Variants in LGMN observed in about 807,000 individuals in gnomAD.
LGMN encodes asparaginyl endopeptidase.
A neutral mutation model predicts 56.8 loss-of-function variants in LGMN; 36 were observed. That is an observed-to-expected ratio of 0.63 (90% CI 0.49 to 0.84). LGMN has a LOEUF of 0.84. Ranked by LOEUF, LGMN falls within the 40% of genes least tolerant of loss-of-function variation. The pLI, the probability that LGMN is intolerant of heterozygous loss-of-function variation, is 0.00. For synonymous variants in LGMN, 199 were observed against 210.1 expected (o/e 0.95, Z 0.46); for missense variants, 446 against 556.1 (o/e 0.80, Z 1.99).
chr14:92,710,151 C>T (rs1265951910), intron 10 of LGMN, among the ~76,000 whole-genome samples: 1 of 152,244 alleles, frequency 6.6e-6, no homozygotes, highest in Admixed American at 6.5e-5. Context: ...AAATGCCTGG[C>T]ATCCTTTGCA....
At chr14:92,710,745 C>G (rs908851486) in intron 10 of LGMN, among the ~76,000 whole-genome samples, 1 of 152,208 alleles carries the variant, frequency 6.6e-6, no homozygotes, top group Non-Finnish European at 1.5e-5. Context: ...GCGGGGCCCC[C>G]ACATGGCCAG....
intron 1 of LGMN, among the ~76,000 whole-genome samples, chr14:92,738,100 G>A (rs944388798): frequency 6.6e-6 from 1 of 152,082 alleles, no homozygotes; most frequent in Non-Finnish European, 1.5e-5. Flanking sequence ...GAAACAAACG[G>A]TTGACCTGAC....
At chr14:92,720,892 T>A (rs1890434089) in intron 2 of LGMN, among the ~76,000 whole-genome samples, 2 of 151,274 alleles carry the variant, frequency 1.3e-5, no homozygotes, top group African/African-American at 4.9e-5. Context: ...TTTTTTTGTT[T>A]TTGTTTTTGT....
chr14:92,719,254 A>G (rs866530759), intron 2 of LGMN, among the ~76,000 whole-genome samples: 14,025 of 30,136 alleles, frequency 0.47, 2,187 homozygotes, highest in East Asian at 0.59. Flanking sequence ...CGCCACCACC[A>G]CCACCGCCAC....
intron 10 of LGMN, among the ~76,000 whole-genome samples, 172 bp from the exon 11 acceptor site, chr14:92,710,044 G>T (rs1402542929): frequency 6.6e-6 from 1 of 152,078 alleles, no homozygotes; most frequent in African/African-American, 2.4e-5. Context: ...ATGCTTTCAG[G>T]ACCACAGGGC....
intron 2 of LGMN, among the ~76,000 whole-genome samples, chr14:92,729,826 G>A (rs948606189): frequency 2.6e-5 from 4 of 152,242 alleles, no homozygotes; most frequent in Non-Finnish European, 5.9e-5. Context: ...GGAGGGCTGA[G>A]GCAGGGGTGA....
In LGMN at chr14:92,706,639, A is replaced by G. The variant is rs763275897; in HGVS notation, c.1035T>C (p.Ile345=). Residue 345 remains isoleucine, a synonymous_variant, in exon 12 of 14, where the codon ATT becomes ATC. Coordinates refer to ENST00000334869, the MANE Select transcript of LGMN (RefSeq NM_005606.7). ...AGACGATCTTACGCACTGACTTCTC[A>G]ATGAGGTGCCTGGCCTGGGGAGAAA... ...IQRHLDARHL[I]EKSVRKIVSL... 2.9e-5 allele frequency: 46 copies of G among 1,584,906 alleles called. No homozygotes were observed. In the East Asian group the frequency reaches 1.0e-3, roughly 35 times the overall value.
intron 1 of LGMN, among the ~76,000 whole-genome samples, chr14:92,747,853 T>G (rs1381947118): frequency 6.6e-6 from 1 of 152,146 alleles, no homozygotes; most frequent in East Asian, 1.9e-4. Flanking sequence ...CCCCAGATAC[T>G]ATAATGCTTG....
Position 92,711,698 on chromosome 14 carries a change from C to T in LGMN, c.780G>A (p.Ser260=), listed in dbSNP as rs748050596. 14 of 1,614,192 alleles carry T rather than the reference C, an allele frequency of 8.7e-6. No homozygotes were observed. Among genetic ancestry groups the T allele is most frequent in the Middle Eastern group, 1.7e-4 (1 of 6,060 alleles). Reference sequence around the variant, plus strand: ...GCATGACGTGGCTGGTGTTGGTGTGCGATTTTACCAGGTGGTACTGCTTGT... The same window carrying T: ...GCATGACGTGGCTGGTGTTGGTGTGTGATTTTACCAGGTGGTACTGCTTGT... ...TLHKQYHLVK[S]HTNTSHVMQY... The change falls in exon 10 of 14, where the codon TCG becomes TCA. Residue 260 remains serine, a synonymous_variant. Coordinates refer to ENST00000334869, the MANE Select transcript of LGMN (RefSeq NM_005606.7).
intron 3 of LGMN, among the ~76,000 whole-genome samples, chr14:92,717,704 A>G (rs1338439002): frequency 6.6e-6 from 1 of 152,208 alleles, no homozygotes; most frequent in Non-Finnish European, 1.5e-5. Context: ...TCGGGCAGGG[A>G]CCAAAGCATA....
chr14:92,719,199 CA>C (rs1566923825), intron 2 of LGMN, among the ~76,000 whole-genome samples: 2 of 138,452 alleles, frequency 1.4e-5, no homozygotes, highest in African/African-American at 6.0e-5. Flanking sequence ...CCACCGCCAC[CA>C]ACACCACCAC....
intron 3 of LGMN, among the ~76,000 whole-genome samples, chr14:92,717,696 G>T (rs982873309): frequency 3.9e-5 from 6 of 152,152 alleles, no homozygotes; most frequent in African/African-American, 1.4e-4. Flanking sequence ...GAAAAGCCTC[G>T]GGCAGGGACC....
chr14:92,721,169 T>G (rs997657335), intron 2 of LGMN, among the ~76,000 whole-genome samples: 1 of 152,200 alleles, frequency 6.6e-6, no homozygotes, highest in Non-Finnish European at 1.5e-5. Context: ...GGATTACAGA[T>G]GCAAGCCACG....
At chr14:92,737,730 G>C (rs1206136791) in intron 1 of LGMN, among the ~76,000 whole-genome samples, 4 of 152,194 alleles carry the variant, frequency 2.6e-5, no homozygotes, top group African/African-American at 9.6e-5. Context: ...TTGGACTCTG[G>C]AAGTGATGAA....
chr14:92,723,018 A>G (rs902668657), intron 2 of LGMN, among the ~76,000 whole-genome samples: 3 of 152,102 alleles, frequency 2.0e-5, no homozygotes, highest in Non-Finnish European at 2.9e-5. Context: ...AGAGTCAAAC[A>G]TAAATTTACC....
In LGMN at chr14:92,714,481, T is replaced by G; in HGVS notation, c.405-30A>C. The G allele has an allele frequency of 6.8e-7, 1 of 1,474,996 alleles. No homozygotes were observed. The highest frequency in any genetic ancestry group is 9.4e-7 in the Non-Finnish European group (1 of 1,063,982). The allele number at this position is 1,474,996 out of a possible 1,614,324, so 91.4% of individuals were successfully genotyped here. The stretch of plus-strand genomic sequence containing the variant: ...CAAGAAGGAATCGGGGGTCAATCAT[T>G]TCCTTTTTCTGTTTTTACTTCTATT... On this transcript the variant is annotated intron_variant, in intron 5 of 13. Coordinates refer to ENST00000334869, the MANE Select transcript of LGMN (RefSeq NM_005606.7). The surrounding 1 kb of genome is among the most constrained non-coding windows in gnomAD (Gnocchi z 5.1).
chr14:92,732,335 C>T (rs532603307), intron 2 of LGMN: 55 of 283,154 alleles, frequency 1.9e-4, no homozygotes, highest in African/African-American at 1.1e-3. Context: ...CCCCCAACAA[C>T]CAAGAATGAC....
At position 92,743,743 on chromosome 14, in the gene LGMN, G is replaced by A. The variant is rs534657241; in HGVS notation, c.-30+4746C>T. Among the ~76,000 whole-genome samples the A allele has an allele frequency of 4.0e-5, 6 of 151,414 alleles. No homozygotes were observed. In the East Asian group the frequency reaches 1.2e-3, roughly 29 times the overall value. ...TTGAGTCCTGGAGGCAGAGGTTGCA[G>A]TGAGCCGAGATCAAACCACAGCACT... On this transcript the variant is annotated intron_variant, in intron 1 of 13. Coordinates refer to ENST00000334869, the MANE Select transcript of LGMN (RefSeq NM_005606.7).
intron 2 of LGMN, among the ~76,000 whole-genome samples, chr14:92,719,183 TCAC>T (rs1566923739): frequency 4.5e-5 from 1 of 22,066 alleles, no homozygotes; most frequent in Non-Finnish European, 9.0e-5. Flanking sequence ...ACCACCACCA[TCAC>T]CACCACCGCC....
Sources: allele counts gnomAD v4.1 joint callset (sites outside exome capture counted in the v4.1 genomes callset), GRCh38; gene constraint gnomAD v4.1.1; non-coding constraint Gnocchi (gnomAD v3.1); transcripts MANE v1.5; gene names NCBI Gene and HGNC (gene_info 2026-07-23, HGNC 2026-07-21).